Variants in PTPRT observed in about 807,000 individuals in gnomAD.
PTPRT encodes the protein protein tyrosine phosphatase receptor type T.
Under a neutral mutation model 176.8 loss-of-function variants are expected in PTPRT, and 56 were observed. That is an observed-to-expected ratio of 0.32 (90% CI 0.26 to 0.40). The LOEUF is 0.40. Among genes scored for constraint, PTPRT ranks in the 10% least tolerant of loss-of-function variants. The pLI, the probability that PTPRT is intolerant of heterozygous loss-of-function variation, is 1.00. For synonymous variants in PTPRT, 783 were observed against 739.0 expected (o/e 1.06, Z -0.96); for missense variants, 1,540 against 1,908.2 (o/e 0.81, Z 3.60).
chr20:42,756,977 A>G (rs949452079), intron 5 of PTPRT, among the ~76,000 whole-genome samples: 1 of 151,594 alleles, frequency 6.6e-6, no homozygotes, highest in Non-Finnish European at 1.5e-5. Context: ...CCTGAGCCCA[A>G]AAACCAAGGT....
At chr20:42,595,708 T>C (rs1261424048) in intron 7 of PTPRT, among the ~76,000 whole-genome samples, 1 of 152,176 alleles carries the variant, frequency 6.6e-6, no homozygotes, top group Admixed American at 6.5e-5. Context: ...TCAGATAGAA[T>C]CTTCCAGAGT....
chr20:42,138,681 T>A (rs1301875539), intron 18 of PTPRT, among the ~76,000 whole-genome samples: 2 of 152,196 alleles, frequency 1.3e-5, no homozygotes, highest in Non-Finnish European at 2.9e-5. Context: ...GCCCTAGAGT[T>A]ACTTGGAAGC....
At chr20:42,719,653 G>T (rs2076276903) in intron 6 of PTPRT, among the ~76,000 whole-genome samples, 1 of 152,168 alleles carries the variant, frequency 6.6e-6, no homozygotes, top group South Asian at 2.1e-4. Flanking sequence ...TGCATATGAA[G>T]TGTTTAGCAA....
intron 13 of PTPRT, among the ~76,000 whole-genome samples, chr20:42,280,523 T>G (rs2057121932): frequency 6.6e-6 from 1 of 152,192 alleles, no homozygotes. Context: ...CTGCCTGGGC[T>G]TGGACAGCTG....
At chr20:43,109,783 G>C (rs2012782214) in intron 1 of PTPRT, among the ~76,000 whole-genome samples, 1 of 152,138 alleles carries the variant, frequency 6.6e-6, no homozygotes, top group Admixed American at 6.6e-5. Context: ...CCAAAGTGAG[G>C]AAAGGAGTTG....
At chr20:42,570,593 A>T (rs1385831512) in intron 7 of PTPRT, among the ~76,000 whole-genome samples, 2 of 152,158 alleles carry the variant, frequency 1.3e-5, no homozygotes, top group African/African-American at 2.4e-5. Context: ...AGATTTTCCA[A>T]GGAAATTCAC....
intron 17 of PTPRT, among the ~76,000 whole-genome samples, chr20:42,143,889 AT>A (rs1988745411): frequency 6.6e-6 from 1 of 152,218 alleles, no homozygotes; most frequent in Non-Finnish European, 1.5e-5. Context: ...CCTTAGAGTT[AT>A]CCCACCATGG....
chr20:42,953,281 G>A (rs952927813), intron 1 of PTPRT, among the ~76,000 whole-genome samples: 1 of 152,192 alleles, frequency 6.6e-6, no homozygotes, highest in Non-Finnish European at 1.5e-5. Context: ...CAGCTAGCAG[G>A]TGCATAGTGA....
intron 14 of PTPRT, 53 bp downstream of exon 14, chr20:42,248,634 T>G (rs2056496455): frequency 1.2e-6 from 2 of 1,600,842 alleles, no homozygotes; most frequent in Admixed American, 1.7e-5. Context: ...CACACAGCAG[T>G]GTTGAGGTCA....
At chr20:43,165,298 A>C (rs924376031) in intron 1 of PTPRT, among the ~76,000 whole-genome samples, 1 of 151,940 alleles carries the variant, frequency 6.6e-6, no homozygotes, top group South Asian at 2.1e-4. Context: ...AGCTGGGATT[A>C]CAGGCGCCTG....
At chr20:42,802,736 C>T (rs531761906) in intron 2 of PTPRT, among the ~76,000 whole-genome samples, 1 of 152,290 alleles carries the variant, frequency 6.6e-6, no homozygotes, top group Admixed American at 6.5e-5. Context: ...TTTCTTGCCT[C>T]CCTTCTCCTG....
chr20:42,637,542 G>A (rs2074632614), intron 7 of PTPRT, among the ~76,000 whole-genome samples: 1 of 152,140 alleles, frequency 6.6e-6, no homozygotes, highest in African/African-American at 2.4e-5. Flanking sequence ...TCAGTTCTTT[G>A]TGCAGAGAAG....
Position 42,248,569 on chromosome 20 carries a change from A to G in PTPRT, c.2312+118T>C, listed in dbSNP as rs1359424621. 1.9e-5 allele frequency: 25 copies of G among 1,325,698 alleles called. No homozygotes were observed. The Admixed American group carries it at 2.4e-4, about 12-fold the overall frequency. 82.1% of individuals were successfully genotyped at this position (1,325,698 alleles called of 1,614,324 possible). A position where few individuals can be genotyped will look rare whatever the true frequency, so the allele number is the denominator to read the frequency against. ...CCGGCCCATGTATTTCCGGACCTCA[A>G]TGGTTATAACAGAAGATCCCTGCTG... On this transcript the variant is annotated intron_variant, in intron 14 of 30. Coordinates refer to ENST00000373187, the MANE Select transcript of PTPRT (RefSeq NM_007050.6).
chr20:43,121,579 C>G lies in PTPRT; in HGVS notation c.88+68067G>C, dbSNP rs116472508. 6.2e-3 allele frequency among the ~76,000 whole-genome samples: 951 copies of G among 152,274 alleles called. 11 individuals carry two copies. The highest frequency in any genetic ancestry group is 0.022 in the African/African-American group (903 of 41,546). ...TTTCCTGGTGACTAATGAGATTCAG[C>G]ACCTGTGCATATGCTTAGTGTCCAT... On this transcript the variant is annotated intron_variant, in intron 1 of 30. Transcript: ENST00000373187.
chr20:42,667,082 T>G (rs2075329607), intron 7 of PTPRT, among the ~76,000 whole-genome samples: 1 of 152,240 alleles, frequency 6.6e-6, no homozygotes, highest in South Asian at 2.1e-4. Context: ...TTTTTATTTT[T>G]TGGCCTACTA....
At position 43,137,466 on chromosome 20, in the gene PTPRT, T is replaced by C; in HGVS notation, c.88+52180A>G. On this transcript the variant is annotated intron_variant, in intron 1 of 30. Transcript: ENST00000373187. ...CATACGAACTGCAAGCCTTAAATATTTGCTATCTTACTAGTTGCAGAAAAA... is the reference window on the plus strand; with the variant it reads ...CATACGAACTGCAAGCCTTAAATATCTGCTATCTTACTAGTTGCAGAAAAA... 1.3e-5 allele frequency among the ~76,000 whole-genome samples: 2 copies of C among 152,236 alleles called. 1 individual carries two copies. Among genetic ancestry groups the C allele is most frequent in the South Asian group, 4.1e-4 (2 of 4,832 alleles).
At chr20:42,240,069 C>T (rs2056323325) in intron 14 of PTPRT, among the ~76,000 whole-genome samples, 1 of 152,184 alleles carries the variant, frequency 6.6e-6, no homozygotes, top group African/African-American at 2.4e-5. Flanking sequence ...GGATTCACCT[C>T]AGCCTGAGCC....
intron 22 of PTPRT, among the ~76,000 whole-genome samples, chr20:42,113,971 T>C (rs1274808454): frequency 6.6e-6 from 1 of 152,212 alleles, no homozygotes; most frequent in Non-Finnish European, 1.5e-5. Flanking sequence ...TAGGCCACTC[T>C]GTATGCTGGA....
chr20:42,547,610 T>TAACTTGTTAAG (rs1442191419), intron 7 of PTPRT, among the ~76,000 whole-genome samples: 2 of 152,066 alleles, frequency 1.3e-5, no homozygotes, highest in African/African-American at 4.8e-5. Context: ...ATAACATTCT[T>TAACTTGTTAAG]AACTTGTTAA....
Sources: allele counts gnomAD v4.1 joint callset (sites outside exome capture counted in the v4.1 genomes callset), GRCh38; gene constraint gnomAD v4.1.1; transcripts MANE v1.5; gene names NCBI Gene and HGNC (gene_info 2026-07-23, HGNC 2026-07-21).